NRXN1: variants seen among roughly 807,000 people sequenced by gnomAD.
NRXN1 encodes the protein neurexin-1.
Under a neutral mutation model 150.9 loss-of-function variants are expected in NRXN1, and 39 were observed. That is an observed-to-expected ratio of 0.26 (90% CI 0.20 to 0.34). The LOEUF (loss-of-function observed/expected upper bound fraction) is 0.34, where lower values mean the gene tolerates loss of function less well. Among genes scored for constraint, NRXN1 ranks in the 10% least tolerant of loss-of-function variants. The pLI, the probability that NRXN1 is intolerant of heterozygous loss-of-function variation, is 1.00. For synonymous variants in NRXN1, 924 were observed against 757.0 expected (o/e 1.22, Z -3.62); for missense variants, 1,815 against 1,949.9 (o/e 0.93, Z 1.30).
chr2:50,886,494 T>C (rs1438259240), intron 5 of NRXN1, among the ~76,000 whole-genome samples: 1 of 151,402 alleles, frequency 6.6e-6, no homozygotes, highest in Non-Finnish European at 1.5e-5. Flanking sequence ...AAAATTACTA[T>C]GCAAGGAATA....
intron 2 of NRXN1, among the ~76,000 whole-genome samples, chr2:50,927,710 A>G (rs746513179): frequency 4.6e-5 from 7 of 152,028 alleles, no homozygotes; most frequent in Non-Finnish European, 7.4e-5. Flanking sequence ...AGATTATTTA[A>G]TATGTATTGT....
intron 18 of NRXN1, among the ~76,000 whole-genome samples, chr2:50,174,035 C>T (rs1363509644): frequency 1.3e-5 from 2 of 151,840 alleles, no homozygotes; most frequent in Non-Finnish European, 2.9e-5. Flanking sequence ...CCCTTCCCCA[C>T]AAAAATAAAA....
chr2:50,239,122 A>G (rs938920598), intron 17 of NRXN1, among the ~76,000 whole-genome samples: 3 of 151,808 alleles, frequency 2.0e-5, no homozygotes, highest in Non-Finnish European at 2.9e-5. Flanking sequence ...ATAGGCAAAC[A>G]CTATTTGAGA....
At chr2:50,924,437 G>A (rs1574945513) in intron 3 of NRXN1, among the ~76,000 whole-genome samples, 1 of 151,832 alleles carries the variant, frequency 6.6e-6, no homozygotes, top group East Asian at 1.9e-4. Flanking sequence ...TAATTAGGCT[G>A]ATTTTAAAGC....
intron 5 of NRXN1, among the ~76,000 whole-genome samples, chr2:50,733,242 C>T (rs1241739078): frequency 6.6e-6 from 1 of 152,072 alleles, no homozygotes; most frequent in African/African-American, 2.4e-5. Context: ...TGGATCAGTA[C>T]ACTTATAGAA....
intron 17 of NRXN1, among the ~76,000 whole-genome samples, chr2:50,443,746 T>C (rs1018647062): frequency 6.6e-6 from 1 of 152,154 alleles, no homozygotes; most frequent in Non-Finnish European, 1.5e-5. Context: ...ACTGCAGCTA[T>C]TCACAGTCAA....
At chr2:50,771,604 A>C (rs1396721774) in intron 5 of NRXN1, among the ~76,000 whole-genome samples, 1 of 152,094 alleles carries the variant, frequency 6.6e-6, no homozygotes, top group Non-Finnish European at 1.5e-5. Flanking sequence ...TGAATAGTAC[A>C]TTAGAATAGA....
intron 13 of NRXN1, among the ~76,000 whole-genome samples, chr2:50,504,291 T>C (rs1028248782): frequency 6.6e-6 from 1 of 152,184 alleles, no homozygotes; most frequent in East Asian, 1.9e-4. Context: ...CTATGCAAAC[T>C]TTACTGAAGT....
In NRXN1 at chr2:50,283,835, C is replaced by T. The variant is rs557912828; in HGVS notation, c.3365-46865G>A. 3.9e-5 allele frequency among the ~76,000 whole-genome samples: 6 copies of T among 152,256 alleles called. No individual in the cohort carries two copies. The East Asian group carries it at 1.2e-3, about 29-fold the overall frequency. On this transcript the variant is annotated intron_variant, in intron 17 of 22. Coordinates refer to ENST00000401669, the MANE Select transcript of NRXN1 (RefSeq NM_001330078.2). ...CTATTAAAAGTCCCTCTCCCTATAT[C>T]CATTCTTCTCAGAAACAGGCTCATT...
At chr2:50,585,362 G>C (rs1000858752) in intron 8 of NRXN1, among the ~76,000 whole-genome samples, 2 of 152,098 alleles carry the variant, frequency 1.3e-5, no homozygotes, top group Non-Finnish European at 2.9e-5. Flanking sequence ...TGGTTACCAG[G>C]GGCTTGTGGG....
intron 17 of NRXN1, among the ~76,000 whole-genome samples, chr2:50,290,156 A>C (rs2072731142): frequency 6.6e-6 from 1 of 152,186 alleles, no homozygotes; most frequent in African/African-American, 2.4e-5. Context: ...AAACCAAGAA[A>C]GGAGAAATCA....
At chr2:50,220,461 T>C (rs982427000) in intron 18 of NRXN1, among the ~76,000 whole-genome samples, 5 of 151,988 alleles carry the variant, frequency 3.3e-5, no homozygotes, top group African/African-American at 4.8e-5. Context: ...CTGGCCCAGA[T>C]AATTGATATT....
intron 5 of NRXN1, among the ~76,000 whole-genome samples, chr2:50,811,520 T>C (rs150928922): frequency 7.9e-4 from 121 of 152,294 alleles, no homozygotes; most frequent in Non-Finnish European, 1.6e-3. Flanking sequence ...ATTTTGTTTT[T>C]CCTACTTATG....
At chr2:49,985,208 G>T (rs758118664) in intron 21 of NRXN1, among the ~76,000 whole-genome samples, 1 of 152,102 alleles carries the variant, frequency 6.6e-6, no homozygotes. Context: ...AACTAGCATA[G>T]ATTCAATGGT....
intron 18 of NRXN1, among the ~76,000 whole-genome samples, chr2:50,177,130 G>T (rs186878405): frequency 6.6e-6 from 1 of 152,050 alleles, no homozygotes; most frequent in East Asian, 1.9e-4. Flanking sequence ...TAGATGCAGG[G>T]AGTACATGTG....
intron 21 of NRXN1, among the ~76,000 whole-genome samples, chr2:49,990,497 C>T (rs1402045278): frequency 6.6e-6 from 1 of 152,072 alleles, no homozygotes; most frequent in Non-Finnish European, 1.5e-5. Flanking sequence ...AAAGATCATC[C>T]TGTATGTTCC....
At chr2:50,372,264 A>T (rs1348314708) in intron 17 of NRXN1, among the ~76,000 whole-genome samples, 3 of 152,224 alleles carry the variant, frequency 2.0e-5, no homozygotes, top group South Asian at 4.1e-4. Flanking sequence ...TGACTTGTTG[A>T]TGACTATCTC....
chr2:50,069,820 T>A lies in NRXN1; in HGVS notation c.3719-14776A>T, dbSNP rs147831253. On this transcript the variant is annotated intron_variant, in intron 19 of 22. Coordinates refer to ENST00000401669, the MANE Select transcript of NRXN1 (RefSeq NM_001330078.2). ...CATCTTAAGAGGAGGAAGGCAGACATAGGTTAGATTTCAGGAGATTTTGGG... is the reference window on the plus strand; with the variant it reads ...CATCTTAAGAGGAGGAAGGCAGACAAAGGTTAGATTTCAGGAGATTTTGGG... 8.8e-3 allele frequency among the ~76,000 whole-genome samples: 1,328 copies of A among 150,802 alleles called. 14 individuals are homozygous for A. Among genetic ancestry groups the A allele is most frequent in the Middle Eastern group, 0.079 (23 of 290 alleles).
At chr2:50,807,473 C>T (rs538535826) in intron 5 of NRXN1, among the ~76,000 whole-genome samples, 1 of 152,248 alleles carries the variant, frequency 6.6e-6, no homozygotes, top group Non-Finnish European at 1.5e-5. Flanking sequence ...ATTTCTGAAT[C>T]ACTGGACTGA....
Sources: gnomAD v4.1 joint callset for allele counts (sites outside exome capture counted in the v4.1 genomes callset) on GRCh38, gnomAD v4.1.1 for gene constraint, MANE v1.5 for transcripts, NCBI Gene and HGNC (gene_info 2026-07-23, HGNC 2026-07-21) for gene names.